CACNA1C: variants seen among roughly 807,000 people sequenced by gnomAD.
The protein encoded by CACNA1C is voltage-dependent L-type calcium channel subunit alpha-1C.
In CACNA1C, 30 loss-of-function variants were observed where a neutral mutation model predicts 229.0. The ratio of observed to expected loss-of-function variants is 0.13; its 90% confidence interval spans 0.10 to 0.18. CACNA1C has a LOEUF of 0.18. Among genes scored for constraint, CACNA1C ranks in the 10% least tolerant of loss-of-function variants. The probability of loss-of-function intolerance (pLI) is 1.00; values close to 1 mark genes in which losing one functional copy is unlikely to be tolerated. For synonymous variants in CACNA1C, 1,114 were observed against 1,132.5 expected (o/e 0.98, Z 0.33); for missense variants, 1,658 against 2,845.0 (o/e 0.58, Z 9.49).
chr12:1,985,996 G>T (rs1225317344), intron 1 of CACNA1C, among the ~76,000 whole-genome samples: 1 of 152,010 alleles, frequency 6.6e-6, no homozygotes, highest in Non-Finnish European at 1.5e-5. Context: ...TGTATTTTTA[G>T]TAGAGATGGA....
chr12:2,666,296 C>A lies in CACNA1C; in HGVS notation c.4527-390C>A, dbSNP rs114790538. Among the ~76,000 whole-genome samples the A allele has an allele frequency of 0.035, 5,354 of 150,930 alleles. 278 individuals are homozygous for A. The highest frequency in any genetic ancestry group is 0.12 in the African/African-American group (4,814 of 41,104). On this transcript the variant is annotated intron_variant, in intron 36 of 46. Coordinates refer to ENST00000399655, the MANE Select transcript of CACNA1C (RefSeq NM_000719.7). The surrounding 1 kb of genome is among the most constrained non-coding windows in gnomAD (Gnocchi z 5.3). Reference sequence around the variant, plus strand: ...GTGCTCAAGTTAGGATAGGTAGGGCCGGGGAAAATCTTGATTCCATTCCCG... The same window carrying A: ...GTGCTCAAGTTAGGATAGGTAGGGCAGGGGAAAATCTTGATTCCATTCCCG...
At chr12:2,391,365 A>C (rs2098476326) in intron 3 of CACNA1C, among the ~76,000 whole-genome samples, 1 of 152,212 alleles carries the variant, frequency 6.6e-6, no homozygotes, top group Non-Finnish European at 1.5e-5. Context: ...GAGATGACTC[A>C]GAGAGCAAGT....
intron 3 of CACNA1C, among the ~76,000 whole-genome samples, chr12:2,300,731 C>T (rs181314966): frequency 5.9e-5 from 9 of 152,218 alleles, no homozygotes; most frequent in Middle Eastern, 3.4e-3. Context: ...AGGAGCAGGA[C>T]GAGAGGATGT....
At chr12:2,089,888 G>C (rs551956779) in intron 1 of CACNA1C, among the ~76,000 whole-genome samples, 2 of 152,184 alleles carry the variant, frequency 1.3e-5, no homozygotes, top group East Asian at 3.9e-4. Flanking sequence ...AATTAGCCGG[G>C]CGTGGTGGCA....
At position 2,493,053 on chromosome 12, in the gene CACNA1C, T is replaced by C. The variant is rs983659804; in HGVS notation, c.917-137T>C. On this transcript the variant is annotated intron_variant, in intron 6 of 46. Coordinates refer to ENST00000399655, the MANE Select transcript of CACNA1C (RefSeq NM_000719.7). This position sits in a 1 kb window ranked among gnomAD's most constrained non-coding sequence, Gnocchi z 4.6. ...CATCTGGGGACCTGATTTAAACATGTCTTGCGCTGTTGTTGCCATGGTTGC... is the reference window on the plus strand; with the variant it reads ...CATCTGGGGACCTGATTTAAACATGCCTTGCGCTGTTGTTGCCATGGTTGC... The C allele has an allele frequency of 9.1e-6, 6 of 660,276 alleles. No individual in the cohort carries two copies. The highest frequency in any genetic ancestry group is 1.6e-5 in the Non-Finnish European group (6 of 371,186). 40.9% of individuals were successfully genotyped at this position (660,276 alleles called of 1,614,324 possible).
chr12:2,055,299 C>T (rs889012591), intron 1 of CACNA1C, among the ~76,000 whole-genome samples: 5 of 152,180 alleles, frequency 3.3e-5, no homozygotes, highest in African/African-American at 9.7e-5. Flanking sequence ...AGATGACTCC[C>T]CTCCAGGTTC....
chr12:2,643,788 G>C (rs1006241632), intron 30 of CACNA1C, among the ~76,000 whole-genome samples: 1 of 152,098 alleles, frequency 6.6e-6, no homozygotes, highest in Non-Finnish European at 1.5e-5. Context: ...AGCAGCCCCT[G>C]ACCCCTGCCA....
intron 29 of CACNA1C, among the ~76,000 whole-genome samples, chr12:2,623,694 G>T (rs932754162): frequency 1.2e-4 from 18 of 152,180 alleles, no homozygotes; most frequent in Admixed American, 1.2e-3. Flanking sequence ...GCCCAGGAAT[G>T]CCGTGTGCCT....
intron 3 of CACNA1C, among the ~76,000 whole-genome samples, chr12:2,233,639 T>G (rs1340238082): frequency 1.3e-5 from 2 of 152,340 alleles, no homozygotes; most frequent in Non-Finnish European, 2.9e-5. Flanking sequence ...TTAAAAACCT[T>G]TGCCCATGCC....
At chr12:2,618,826 G>A (rs934610090) in intron 29 of CACNA1C, among the ~76,000 whole-genome samples, 9 of 152,222 alleles carry the variant, frequency 5.9e-5, no homozygotes, top group African/African-American at 1.2e-4. Flanking sequence ...TTTTGAAAGC[G>A]GAGAATCTTC....
intron 11 of CACNA1C, among the ~76,000 whole-genome samples, chr12:2,564,870 G>GT (rs1055699072): frequency 5.9e-5 from 9 of 152,124 alleles, no homozygotes; most frequent in Non-Finnish European, 1.0e-4. Context: ...CAGAGGGGCT[G>GT]TTTTTGTGGG....
In CACNA1C at chr12:2,108,322, G is replaced by A. The variant is rs1357077611; in HGVS notation, c.50-6902G>A. ...AGTGCTGCAGAACAGGCCCCCCGAG[G>A]GAACTGCGGTTCGGGTACAATTATG... On this transcript the variant is annotated intron_variant, in intron 1 of 46. Coordinates refer to ENST00000399655, the MANE Select transcript of CACNA1C (RefSeq NM_000719.7). The surrounding 1 kb of genome is among the most constrained non-coding windows in gnomAD (Gnocchi z 5.3). Among the ~76,000 whole-genome samples, 1 of 152,216 alleles carries A rather than the reference G, an allele frequency of 6.6e-6. No homozygotes were observed. Among genetic ancestry groups the A allele is most frequent in the African/African-American group, 2.4e-5 (1 of 41,454 alleles).
At chr12:2,210,356 T>G (rs1329578488) in intron 3 of CACNA1C, among the ~76,000 whole-genome samples, 1 of 152,246 alleles carries the variant, frequency 6.6e-6, no homozygotes, top group Non-Finnish European at 1.5e-5. Flanking sequence ...AACAGTGGCA[T>G]CTGTAACAGT....
At position 2,646,801 on chromosome 12, in the gene CACNA1C, C is replaced by CGT. The variant is rs2094423173; in HGVS notation, c.3913-1673_3913-1672insTG. 7.3e-6 allele frequency among the ~76,000 whole-genome samples: 1 copy of CGT among 136,212 alleles called. No individual in the cohort carries two copies. Among genetic ancestry groups the CGT allele is most frequent in the African/African-American group, 2.5e-5 (1 of 39,684 alleles). The allele number at this position is 136,212 out of a possible 152,430, so 89.4% of individuals were successfully genotyped here. On this transcript the variant is annotated intron_variant, in intron 30 of 46. Coordinates refer to ENST00000399655, the MANE Select transcript of CACNA1C (RefSeq NM_000719.7). This position sits in a 1 kb window ranked among gnomAD's most constrained non-coding sequence, Gnocchi z 4.6. The stretch of plus-strand genomic sequence containing the variant: ...GAGAGAGAGAGAGAGTGTGTGTGTG[C>CGT]GCGTGTGTGTGTCTGCCTATGTTTG...
chr12:2,148,505 A>G (rs1597334731), intron 3 of CACNA1C, among the ~76,000 whole-genome samples: 1 of 151,346 alleles, frequency 6.6e-6, no homozygotes. Context: ...AGTAATGATT[A>G]CCATCTACAG....
intron 5 of CACNA1C, among the ~76,000 whole-genome samples, chr12:2,473,249 C>T (rs922138995): frequency 3.3e-5 from 5 of 152,136 alleles, no homozygotes; most frequent in African/African-American, 9.7e-5. Context: ...CAGCCCTAAG[C>T]CACAGACACA....
chr12:2,303,601 CA>C (rs940644434), intron 3 of CACNA1C, among the ~76,000 whole-genome samples: 2 of 150,214 alleles, frequency 1.3e-5, no homozygotes, highest in Admixed American at 6.6e-5. Context: ...CCTGTCTGTA[CA>C]AAAAAAAACA....
chr12:2,275,323 C>A lies in CACNA1C; in HGVS notation c.477+154893C>A, dbSNP rs1039490774. Among the ~76,000 whole-genome samples the A allele has an allele frequency of 6.6e-5, 10 of 152,154 alleles. No homozygotes were observed. The highest frequency in any genetic ancestry group is 2.4e-4 in the African/African-American group (10 of 41,432). ...GGAGAGGCATGACTATGTGTCTCTG[C>A]CTGTCTGTGGACCCCGACTCCTCAC... On this transcript the variant is annotated intron_variant, in intron 3 of 46. Coordinates refer to ENST00000399655, the MANE Select transcript of CACNA1C (RefSeq NM_000719.7). The surrounding 1 kb of genome is among the most constrained non-coding windows in gnomAD (Gnocchi z 4.1).
At chr12:2,199,260 G>T (rs556236826) in intron 3 of CACNA1C, among the ~76,000 whole-genome samples, 1 of 152,184 alleles carries the variant, frequency 6.6e-6, no homozygotes, top group South Asian at 2.1e-4. Context: ...TGAACAGTAC[G>T]GGTTTGAACT....
Sources: allele counts gnomAD v4.1 joint callset (sites outside exome capture counted in the v4.1 genomes callset), GRCh38; gene constraint gnomAD v4.1.1; non-coding constraint Gnocchi (gnomAD v3.1); transcripts MANE v1.5; gene names NCBI Gene and HGNC (gene_info 2026-07-23, HGNC 2026-07-21).